The following ZNF695 variants were observed in gnomAD, a reference collection of about 807,000 sequenced individuals.
ZNF695 encodes the protein zinc finger protein SBZF3.
ZNF695 carries 11 observed loss-of-function variants against 11.2 expected under a neutral mutation model. The ratio of observed to expected loss-of-function variants is 0.98; its 90% CI spans 0.62 to 1.62. The LOEUF (loss-of-function observed/expected upper bound fraction) is 1.62, where lower values mean the gene tolerates loss of function less well. ZNF695 is among the 40% of genes most tolerant of loss of function. The pLI is 0.00. For synonymous variants in ZNF695, 190 were observed against 201.4 expected (o/e 0.94, Z 0.48); for missense variants, 559 against 590.5 (o/e 0.95, Z 0.55).
intron 5 of ZNF695, among the ~76,000 whole-genome samples, chr1:246,950,404 C>G (rs562327338): frequency 6.6e-6 from 1 of 152,296 alleles, no homozygotes; most frequent in Admixed American, 6.5e-5. Context: ...AATCCCAGCA[C>G]TTTGGGAGGC....
At chr1:246,945,692 A>T in exon 6 of ZNF695, 1 of 1,196,784 alleles carries the variant, frequency 8.4e-7, no homozygotes, top group Non-Finnish European at 1.2e-6. Context: ...GGCATGTTTT[A>T]ATTCAGAACT....
chr1:246,951,150 A>G (rs1667861684), intron 5 of ZNF695, among the ~76,000 whole-genome samples: 1 of 151,548 alleles, frequency 6.6e-6, no homozygotes, highest in Admixed American at 6.6e-5. Context: ...TCATTATGTC[A>G]TCATTATAAA....
At chr1:246,949,562 G>A (rs1667820984) in intron 5 of ZNF695, among the ~76,000 whole-genome samples, 1 of 148,674 alleles carries the variant, frequency 6.7e-6, no homozygotes, top group Admixed American at 6.8e-5. Context: ...CTGCACTCCA[G>A]CCTAGGCGAC....
chr1:246,966,412 T>G (rs1000784122), intron 5 of ZNF695, among the ~76,000 whole-genome samples: 1 of 151,840 alleles, frequency 6.6e-6, no homozygotes, highest in African/African-American at 2.4e-5. Flanking sequence ...ACCTCAGAGG[T>G]GGAGGTTGCA....
In ZNF695 at chr1:246,989,166, G is replaced by A. The variant is rs1160654387; in HGVS notation, c.260-911C>T. On this transcript the variant is annotated intron_variant, in intron 3 of 3. Coordinates refer to ENST00000339986, the MANE Select transcript of ZNF695 (RefSeq NM_020394.5). ...TGTAATCCTAGCTACTCGGGAGGCT[G>A]AGGCAGGAGAATCGCTTGAACCCGG... Among the ~76,000 whole-genome samples, 4 of 152,132 alleles carry A rather than the reference G, an allele frequency of 2.6e-5. No individual in the cohort carries two copies. The South Asian group carries it at 8.3e-4, about 32-fold the overall frequency.
At chr1:246,978,468 G>GATGCA in intron 4 of ZNF695, among the ~76,000 whole-genome samples, 1 of 152,192 alleles carries the variant, frequency 6.6e-6, no homozygotes, top group Non-Finnish European at 1.5e-5. Context: ...TTTGCATGAT[G>GATGCA]ATGATGCAAC....
At chr1:246,991,923 C>T (rs1192454066) in intron 3 of ZNF695, among the ~76,000 whole-genome samples, 1 of 152,084 alleles carries the variant, frequency 6.6e-6, no homozygotes. Context: ...AGGCCGGGCG[C>T]GGTGGCTCAT....
At chr1:246,993,572 A>C (rs1669106490) in intron 3 of ZNF695, among the ~76,000 whole-genome samples, 1 of 152,188 alleles carries the variant, frequency 6.6e-6, no homozygotes, top group Non-Finnish European at 1.5e-5. Flanking sequence ...GCTTTTTGTT[A>C]ATTTCAAATC....
rs1226700505 is a variant in ZNF695 at position 246,986,014 on chromosome 1, G to A, written c.*953C>T. ...TTTAAGACTTGAATTACATAAATAT[G>A]TGATTTTCAAAAAAGCTAAAACTCT... On this transcript the variant is annotated 3_prime_UTR_variant, in exon 4 of 4. Transcript: ENST00000339986. 1 of 984,956 alleles carries A rather than the reference G, an allele frequency of 1.0e-6. No individual in the cohort carries two copies. The highest frequency in any genetic ancestry group is 1.2e-6 in the Non-Finnish European group (1 of 829,630). The allele number at this position is 984,956 out of a possible 1,614,324, so 61.0% of individuals were successfully genotyped here.
At chr1:246,992,510 G>A (rs1669070302) in intron 3 of ZNF695, among the ~76,000 whole-genome samples, 1 of 152,138 alleles carries the variant, frequency 6.6e-6, no homozygotes, top group African/African-American at 2.4e-5. Flanking sequence ...GGTGACCATA[G>A]TCAAAGATAA....
chr1:246,961,948 G>C (rs555964976), intron 5 of ZNF695, among the ~76,000 whole-genome samples: 12 of 152,336 alleles, frequency 7.9e-5, no homozygotes, highest in African/African-American at 2.6e-4. Flanking sequence ...ATGGCACTGT[G>C]CTTTGCAGAC....
rs745784173 is a variant in ZNF695, at chr1:246,987,400, C to A, written c.1115G>T (p.Arg372Ile). 6.2e-7 allele frequency: 1 copy of A among 1,611,938 alleles called. No individual in the cohort carries two copies. Among genetic ancestry groups the A allele is most frequent in the Non-Finnish European group, 8.5e-7 (1 of 1,179,334 alleles). Residue 372 changes from arginine (R) to isoleucine (I), a missense_variant, in exon 4 of 4, where the codon AGA becomes ATA. By Grantham distance (97) the Arg-to-Ile change is moderately conservative (BLOSUM62 -3). Transcript: ENST00000339986. ...NQSSHLTEHR[R>I]IHTGEKPYKC... The stretch of plus-strand genomic sequence containing the variant: ...GTATGGTTTCTCACCAGTATGAATT[C>A]TCCTATGTTCAGTCAGATGTGAGCT...
chr1:246,982,115 A>G (rs1288465311), downstream of ZNF695, among the ~76,000 whole-genome samples: 2 of 152,084 alleles, frequency 1.3e-5, no homozygotes, highest in Non-Finnish European at 2.9e-5. Flanking sequence ...TACTAAAAAT[A>G]CAAAATTAGC....
At chr1:246,958,752 T>G (rs1357905712) in intron 5 of ZNF695, among the ~76,000 whole-genome samples, 2 of 152,190 alleles carry the variant, frequency 1.3e-5, no homozygotes, top group Non-Finnish European at 2.9e-5. Context: ...TAATACACGA[T>G]GTAACGCATG....
At chr1:246,951,963 T>C (rs1292894576) in intron 5 of ZNF695, among the ~76,000 whole-genome samples, 1 of 152,198 alleles carries the variant, frequency 6.6e-6, no homozygotes, top group Non-Finnish European at 1.5e-5. Flanking sequence ...CACTATATAT[T>C]TTTGAGACAG....
intron 4 of ZNF695, among the ~76,000 whole-genome samples, chr1:246,979,550 TTA>T (rs1668651541): frequency 6.6e-6 from 1 of 152,122 alleles, no homozygotes; most frequent in African/African-American, 2.4e-5. Context: ...GCCTTGAAAA[TTA>T]TCTTTTAATT....
At chr1:246,976,057 T>C (rs149985917) in intron 4 of ZNF695, among the ~76,000 whole-genome samples, 192 of 152,246 alleles carry the variant, frequency 1.3e-3, no homozygotes, top group African/African-American at 4.4e-3. Context: ...CCATGAAGAA[T>C]GAGATAGACC....
At chr1:246,954,665 T>C (rs897187783) in intron 5 of ZNF695, among the ~76,000 whole-genome samples, 2 of 152,192 alleles carry the variant, frequency 1.3e-5, no homozygotes, top group African/African-American at 4.8e-5. Context: ...TGTAAAATGA[T>C]CACTGATCAG....
At chr1:246,996,856 G>A (rs904561600) in intron 3 of ZNF695, among the ~76,000 whole-genome samples, 1 of 152,104 alleles carries the variant, frequency 6.6e-6, no homozygotes, top group East Asian at 1.9e-4. Context: ...TTTCTAAAGG[G>A]CCAGGCAAAT....
Sources: allele counts gnomAD v4.1 joint callset (sites outside exome capture counted in the v4.1 genomes callset), GRCh38; gene constraint gnomAD v4.1.1; transcripts MANE v1.5; gene names NCBI Gene and HGNC (gene_info 2026-07-23, HGNC 2026-07-21).